ZBTB38: variants seen among roughly 807,000 people sequenced by gnomAD.
ZBTB38 encodes zinc finger and BTB domain-containing protein 38.
In ZBTB38, 20 loss-of-function variants were observed where a neutral mutation model predicts 76.8. The observed-to-expected ratio is 0.26, with a 90% CI of 0.18 to 0.38. ZBTB38 has a LOEUF of 0.38. ZBTB38 is among the 10% of genes least tolerant of loss of function. ZBTB38 has a pLI of 1.00. For missense variants in ZBTB38, 1,082 were observed against 1,482.3 expected, an observed-to-expected ratio of 0.73 and a Z score of 4.43; for synonymous variants, 504 against 544.2, an observed-to-expected ratio of 0.93 and a Z score of 1.03.
At chr3:141,324,492 C>T (rs1473802378) in intron 1 of ZBTB38, 4 of 152,210 alleles carry the variant, frequency 2.6e-5, no homozygotes, top group Non-Finnish European at 5.9e-5. Context: ...TTAGTGAAAG[C>T]TCTCTATGTT....
chr3:141,424,471 G>T (rs2076014781), intron 5 of ZBTB38, among the ~76,000 whole-genome samples: 1 of 152,152 alleles, frequency 6.6e-6, no homozygotes, highest in African/African-American at 2.4e-5. Flanking sequence ...AGTGAGCAAT[G>T]ATCAAGCTAC....
chr3:141,404,002 C>G lies in ZBTB38; in HGVS notation c.-30C>G, dbSNP rs544128887. 6.6e-6 allele frequency: 1 copy of G among 152,304 alleles called. No individual in the cohort carries two copies. The highest frequency in any genetic ancestry group is 6.5e-5 in the Admixed American group (1 of 15,306). The allele number at this position is 152,304 out of a possible 1,614,324, so 9.4% of individuals were successfully genotyped here. A position where few individuals can be genotyped will look rare whatever the true frequency, so the allele number is the denominator to read the frequency against. Reference sequence around the variant, plus strand: ...TTTCTTCCAAAGCACAGGAATCTCACTCTGTTAAAGCTGGTCTGTTCTAAC... The same window carrying G: ...TTTCTTCCAAAGCACAGGAATCTCAGTCTGTTAAAGCTGGTCTGTTCTAAC... On this transcript the variant is annotated 5_prime_UTR_variant, in exon 5 of 6. Transcript: ENST00000321464.
chr3:141,333,646 G>A (rs1942920411), intron 1 of ZBTB38, among the ~76,000 whole-genome samples: 1 of 152,154 alleles, frequency 6.6e-6, no homozygotes, highest in South Asian at 2.1e-4. Flanking sequence ...AGGCTGCCAA[G>A]ACAAGGGCAG....
chr3:141,403,698 G>C (rs1953209817), intron 4 of ZBTB38, among the ~76,000 whole-genome samples: 1 of 152,186 alleles, frequency 6.6e-6, no homozygotes, highest in African/African-American at 2.4e-5. Context: ...GTGTGACCTT[G>C]AACAGGTTCC....
intron 5 of ZBTB38, chr3:141,426,165 G>C (rs771908836): frequency 2.5e-4 from 320 of 1,289,280 alleles, no homozygotes; most frequent in Non-Finnish European, 3.0e-4. Flanking sequence ...CAGGAGACAT[G>C]GTAAGCTGTT....
chr3:141,433,700 G>T (rs561686480), intron 5 of ZBTB38, among the ~76,000 whole-genome samples: 1 of 152,196 alleles, frequency 6.6e-6, no homozygotes, highest in Non-Finnish European at 1.5e-5. Context: ...AGTCTGGCTT[G>T]ATAGAAAGAC....
chr3:141,425,748 A>G (rs1227385343), intron 5 of ZBTB38, among the ~76,000 whole-genome samples: 1 of 152,256 alleles, frequency 6.6e-6, no homozygotes, highest in Non-Finnish European at 1.5e-5. Context: ...ACCAAGAAAA[A>G]CATGGACAAG....
At chr3:141,357,679 G>A (rs1016338372) in intron 1 of ZBTB38, among the ~76,000 whole-genome samples, 1 of 151,998 alleles carries the variant, frequency 6.6e-6, no homozygotes, top group African/African-American at 2.4e-5. Flanking sequence ...ACAGGCACCC[G>A]CCACCACGCC....
rs771673135 is a variant in ZBTB38, at chr3:141,443,290, C to T, written c.902C>T (p.Ala301Val). The T allele has an allele frequency of 2.5e-6, 4 of 1,614,118 alleles. No homozygotes were observed. The highest frequency in any genetic ancestry group is 2.2e-5 in the East Asian group (1 of 44,902). ...AATCAAGAAAGAAGTCCACAACCAG[C>T]TGCTGTTCTCACTCGTTCAAAATCT... ...EVNQERSPQP[A>V]AVLTRSKSPN... is the part of the protein sequence containing the mutation. Residue 301 changes from alanine to valine, a missense_variant, in exon 6 of 6, where the codon GCT (alanine) becomes GTT (valine). Ala to Val is a moderately conservative substitution (Grantham distance 64, BLOSUM62 0). Coordinates refer to ENST00000321464, the MANE Select transcript of ZBTB38 (RefSeq NM_001376113.1). The surrounding 1 kb of genome is among the most constrained non-coding windows in gnomAD (Gnocchi z 5.6).
chr3:141,409,458 G>C (rs1454300369), intron 5 of ZBTB38, among the ~76,000 whole-genome samples: 1 of 152,176 alleles, frequency 6.6e-6, no homozygotes, highest in East Asian at 1.9e-4. Context: ...ACAGGTATTT[G>C]TTCCTGATTT....
intron 5 of ZBTB38, among the ~76,000 whole-genome samples, chr3:141,425,884 C>T (rs561823067): frequency 5.6e-4 from 85 of 152,344 alleles, no homozygotes; most frequent in African/African-American, 1.9e-3. Context: ...GTTCCACAGC[C>T]TCTCTAAACC....
chr3:141,343,263 C>G (rs1469992861), intron 1 of ZBTB38, among the ~76,000 whole-genome samples: 1 of 152,108 alleles, frequency 6.6e-6, no homozygotes, highest in African/African-American at 2.4e-5. Context: ...TTCACAGCAA[C>G]CAAGACCACG....
chr3:141,376,787 A>G (rs781256420), intron 2 of ZBTB38, among the ~76,000 whole-genome samples: 2 of 152,124 alleles, frequency 1.3e-5, no homozygotes, highest in Non-Finnish European at 2.9e-5. Flanking sequence ...GGAGACAAAA[A>G]TAGGAGTTCC....
chr3:141,364,676 T>TAAAAAAAA (rs59398877), upstream of ZBTB38, among the ~76,000 whole-genome samples: 13 of 43,438 alleles, frequency 3.0e-4, no homozygotes, highest in Non-Finnish European at 4.3e-4. Context: ...AAACTACATC[T>TAAAAAAAA]AAAAAAAAAA....
At chr3:141,420,520 G>A (rs2075119507) in intron 5 of ZBTB38, among the ~76,000 whole-genome samples, 1 of 152,154 alleles carries the variant, frequency 6.6e-6, no homozygotes, top group South Asian at 2.1e-4. Context: ...ACATATTGAT[G>A]GATTAAGCTG....
intron 5 of ZBTB38, among the ~76,000 whole-genome samples, chr3:141,410,732 G>A (rs1006202548): frequency 1.3e-5 from 2 of 152,188 alleles, no homozygotes; most frequent in Non-Finnish European, 2.9e-5. Context: ...GAGACAGAAG[G>A]CTGTTTTCCA....
At chr3:141,332,224 C>A (rs1447216264) in intron 1 of ZBTB38, among the ~76,000 whole-genome samples, 1 of 152,160 alleles carries the variant, frequency 6.6e-6, no homozygotes, top group Non-Finnish European at 1.5e-5. Context: ...CAAATTCTGG[C>A]CCCTTCCTAT....
At chr3:141,402,289 T>G (rs1283393019) in intron 4 of ZBTB38, 4 of 151,742 alleles carry the variant, frequency 2.6e-5, no homozygotes, top group Admixed American at 2.6e-4. Flanking sequence ...CCGGACGGGC[T>G]GCGTCCTCTG....
intron 1 of ZBTB38, among the ~76,000 whole-genome samples, chr3:141,343,259 G>A (rs1456835026): frequency 6.6e-6 from 1 of 152,150 alleles, no homozygotes; most frequent in Non-Finnish European, 1.5e-5. Context: ...GTGATTCACA[G>A]CAACCAAGAC....
Sources: allele counts gnomAD v4.1 joint callset (sites outside exome capture counted in the v4.1 genomes callset), GRCh38; gene constraint gnomAD v4.1.1; non-coding constraint Gnocchi (gnomAD v3.1); transcripts MANE v1.5; gene names NCBI Gene and HGNC (gene_info 2026-07-23, HGNC 2026-07-21).